The following FTO variants were observed in gnomAD, a reference collection of about 807,000 sequenced individuals.
FTO encodes the protein alpha-ketoglutarate-dependent dioxygenase FTO.
In FTO, 47 loss-of-function variants were observed where a neutral mutation model predicts 63.9. The ratio of observed to expected loss-of-function variants is 0.74; its 90% CI spans 0.58 to 0.94. FTO has a LOEUF of 0.94. Ranked by LOEUF, FTO falls within the 40% of genes least tolerant of loss-of-function variation. The pLI, the probability that FTO is intolerant of heterozygous loss-of-function variation, is 0.00. For missense variants in FTO, 562 were observed against 618.1 expected, an observed-to-expected ratio of 0.91 and a Z score of 0.96; for synonymous variants, 207 against 224.4, an observed-to-expected ratio of 0.92 and a Z score of 0.69.
At position 54,111,874 on chromosome 16, in the gene FTO, G is replaced by A. The variant is rs763703220; in HGVS notation, c.1477G>A (p.Val493Ile). ...MPLPFDLTDIVSELRGQLLEA... is the reference protein window; with the variant it reads ...MPLPFDLTDIISELRGQLLEA... ...TCTGCCGTTTGACCTCACAGACATC[G>A]TTTCAGAACTCAGAGGTCAGCTTCT... Residue 493 changes from valine (V) to isoleucine (I), a missense_variant, in exon 9 of 9, where the codon GTT (valine) becomes ATT (isoleucine). Val to Ile is a conservative substitution (Grantham distance 29). Coordinates refer to ENST00000471389, the MANE Select transcript of FTO (RefSeq NM_001080432.3). 2.4e-5 allele frequency: 39 copies of A among 1,613,974 alleles called. 1 individual carries two copies. The highest frequency in any genetic ancestry group is 2.4e-4 in the African/African-American group (18 of 74,904).
chr16:53,771,295 C>A (rs11075985), intron 1 of FTO, among the ~76,000 whole-genome samples: 63,525 of 151,948 alleles, frequency 0.42, 13,511 homozygotes, highest in Non-Finnish European at 0.44. Flanking sequence ...CTGGAAACAT[C>A]CTTGACTTCG....
At chr16:53,896,314 G>A (rs1489734138) in intron 7 of FTO, among the ~76,000 whole-genome samples, 5 of 150,718 alleles carry the variant, frequency 3.3e-5, no homozygotes, top group Admixed American at 6.6e-5. Context: ...ATTTCATCTA[G>A]GGTTTTTTTT....
At chr16:53,912,032 G>A (rs1272386888) in intron 7 of FTO, among the ~76,000 whole-genome samples, 1 of 152,172 alleles carries the variant, frequency 6.6e-6, no homozygotes, top group Non-Finnish European at 1.5e-5. Flanking sequence ...AAAATCCAAG[G>A]TGCATTTTGT....
intron 1 of FTO, among the ~76,000 whole-genome samples, chr16:53,720,880 C>T (rs548373832): frequency 6.6e-6 from 1 of 152,012 alleles, no homozygotes; most frequent in South Asian, 2.1e-4. Context: ...GCCTCGACCT[C>T]CTAGGCTCAA....
At chr16:54,111,368 C>T (rs896117445) in intron 8 of FTO, among the ~76,000 whole-genome samples, 3 of 152,110 alleles carry the variant, frequency 2.0e-5, no homozygotes, top group Non-Finnish European at 4.4e-5. Context: ...TTTAATCTTT[C>T]CCAGTAATCT....
At chr16:53,804,230 T>C (rs1303716799) in intron 1 of FTO, among the ~76,000 whole-genome samples, 1 of 152,220 alleles carries the variant, frequency 6.6e-6, no homozygotes, top group Non-Finnish European at 1.5e-5. Context: ...GGAGTTTGCT[T>C]TGTTATACAG....
chr16:53,865,211 G>T (rs1260257901), intron 4 of FTO, among the ~76,000 whole-genome samples: 1 of 152,112 alleles, frequency 6.6e-6, no homozygotes, highest in African/African-American at 2.4e-5. Flanking sequence ...AATTTATCCT[G>T]GGAAGCCCCC....
At chr16:53,834,982 T>C (rs1337572529) in intron 3 of FTO, among the ~76,000 whole-genome samples, 1 of 152,246 alleles carries the variant, frequency 6.6e-6, no homozygotes, top group African/African-American at 2.4e-5. Context: ...TATATATACA[T>C]GAGAATGCCT....
chr16:54,085,781 C>A (rs1402101372), intron 8 of FTO, among the ~76,000 whole-genome samples: 1 of 152,122 alleles, frequency 6.6e-6, no homozygotes, highest in East Asian at 1.9e-4. Flanking sequence ...ACATACCCTC[C>A]GACTCGTCTC....
chr16:53,873,934 C>G, intron 5 of FTO, 69 bp downstream of exon 5: 1 of 1,151,980 alleles, frequency 8.7e-7, no homozygotes, highest in Admixed American at 1.7e-5. Context: ...GAGCAATTTA[C>G]TATAGAGCTT....
intron 8 of FTO, among the ~76,000 whole-genome samples, chr16:54,095,332 G>A (rs890322881): frequency 2.6e-5 from 4 of 152,062 alleles, no homozygotes; most frequent in Non-Finnish European, 4.4e-5. Context: ...GAGCCACTGC[G>A]CCCAGCCCTA....
intron 8 of FTO, among the ~76,000 whole-genome samples, chr16:54,050,237 C>T (rs1428825750): frequency 6.6e-6 from 1 of 152,060 alleles, no homozygotes; most frequent in Admixed American, 6.5e-5. Flanking sequence ...GTTAAAGGCC[C>T]GGCTCTCTGG....
At chr16:53,772,204 TAC>T (rs1449028553) in intron 1 of FTO, among the ~76,000 whole-genome samples, 2 of 152,058 alleles carry the variant, frequency 1.3e-5, no homozygotes, top group African/African-American at 4.8e-5. Flanking sequence ...CCTCTTCCCC[TAC>T]TCTTCTTCTC....
At chr16:53,915,360 T>G (rs919947882) in intron 7 of FTO, among the ~76,000 whole-genome samples, 2 of 152,200 alleles carry the variant, frequency 1.3e-5, no homozygotes, top group African/African-American at 4.8e-5. Flanking sequence ...CAATAATACT[T>G]TATTAAATAT....
intron 8 of FTO, among the ~76,000 whole-genome samples, chr16:54,081,266 CT>C (rs1490221491): frequency 6.6e-6 from 1 of 152,176 alleles, no homozygotes; most frequent in East Asian, 1.9e-4. Flanking sequence ...GGTTACAGCC[CT>C]ACCCCCTTTC....
intron 7 of FTO, among the ~76,000 whole-genome samples, chr16:53,902,144 G>A (rs1308307484): frequency 6.6e-6 from 1 of 152,070 alleles, no homozygotes; most frequent in Non-Finnish European, 1.5e-5. Context: ...TAGTGATATT[G>A]GGCATTGCTT....
At chr16:54,080,404 T>C (rs541822471) in intron 8 of FTO, among the ~76,000 whole-genome samples, 1 of 152,332 alleles carries the variant, frequency 6.6e-6, no homozygotes, top group East Asian at 1.9e-4. Context: ...ATTCACGATC[T>C]CGTTGAGTCC....
At chr16:53,815,805 T>C (rs1214265069) in intron 2 of FTO, among the ~76,000 whole-genome samples, 1 of 151,868 alleles carries the variant, frequency 6.6e-6, no homozygotes, top group African/African-American at 2.4e-5. Context: ...CGCGTCACCA[T>C]GCCTGGCCAA....
intron 8 of FTO, among the ~76,000 whole-genome samples, chr16:53,980,318 G>A (rs1463350318): frequency 6.6e-6 from 1 of 152,164 alleles, no homozygotes; most frequent in Non-Finnish European, 1.5e-5. Context: ...TTGTTTGACA[G>A]CCGTTTGCTA....
Sources: allele counts gnomAD v4.1 joint callset (sites outside exome capture counted in the v4.1 genomes callset), GRCh38; gene constraint gnomAD v4.1.1; transcripts MANE v1.5; gene names NCBI Gene and HGNC (gene_info 2026-07-23, HGNC 2026-07-21).